The following TFCP2 variants were observed in gnomAD, a reference collection of about 807,000 sequenced individuals.
TFCP2 encodes the protein transcription factor CP2.
A neutral mutation model predicts 73.4 loss-of-function variants in TFCP2; 33 were observed. The observed-to-expected ratio is 0.45, with a 90% CI of 0.34 to 0.60. The LOEUF (loss-of-function observed/expected upper bound fraction) is 0.60, where lower values mean the gene tolerates loss of function less well. Among genes scored for constraint, TFCP2 ranks in the 20% least tolerant of loss-of-function variants. The probability of loss-of-function intolerance (pLI) is 0.01; values close to 1 mark genes in which losing one functional copy is unlikely to be tolerated. For missense variants in TFCP2, 352 were observed against 604.0 expected (o/e 0.58, Z 4.37); for synonymous variants, 193 against 211.6 (o/e 0.91, Z 0.76).
intron 1 of TFCP2, among the ~76,000 whole-genome samples, chr12:51,124,293 A>G (rs1457586893): frequency 6.6e-6 from 1 of 152,082 alleles, no homozygotes; most frequent in Non-Finnish European, 1.5e-5. Context: ...ATGGGGTCTC[A>G]TCATGTTGCT....
At chr12:51,157,794 G>A (rs1424395276) in intron 1 of TFCP2, among the ~76,000 whole-genome samples, 6 of 146,328 alleles carry the variant, frequency 4.1e-5, no homozygotes, top group Non-Finnish European at 6.0e-5. Context: ...GGGTTCATGC[G>A]ATTCTCCTGC....
intron 6 of TFCP2, among the ~76,000 whole-genome samples, chr12:51,108,728 A>C (rs796693317): frequency 5.3e-5 from 8 of 152,268 alleles, no homozygotes; most frequent in African/African-American, 1.7e-4. Context: ...GCGTCACTGC[A>C]CTCCAGCCTG....
At chr12:51,146,381 C>T (rs1592827122) in intron 1 of TFCP2, among the ~76,000 whole-genome samples, 1 of 149,738 alleles carries the variant, frequency 6.7e-6, no homozygotes, top group Admixed American at 6.7e-5. Context: ...CCCTCCCCCA[C>T]CCCATACCCC....
intron 1 of TFCP2, among the ~76,000 whole-genome samples, chr12:51,161,663 G>C (rs1941650623): frequency 7.6e-6 from 1 of 131,868 alleles, no homozygotes; most frequent in South Asian, 2.5e-4. Flanking sequence ...CCAGGCAACA[G>C]AGTGAGACTC....
intron 1 of TFCP2, among the ~76,000 whole-genome samples, chr12:51,157,173 G>A (rs546745671): frequency 4.0e-4 from 60 of 151,820 alleles, no homozygotes; most frequent in South Asian, 1.0e-3. Context: ...GTGCCACTAC[G>A]GCCGGCTAAT....
chr12:51,117,549 T>C, intron 3 of TFCP2, 122 bp downstream of exon 3: 1 of 711,108 alleles, frequency 1.4e-6, no homozygotes, highest in Non-Finnish European at 2.3e-6. Context: ...AACAAATTAC[T>C]GCAGGCAAGA....
intron 1 of TFCP2, among the ~76,000 whole-genome samples, chr12:51,154,230 G>C (rs1024647315): frequency 6.6e-6 from 1 of 152,064 alleles, no homozygotes; most frequent in East Asian, 1.9e-4. Flanking sequence ...TTATCTGATG[G>C]GGGGGATCCA....
At chr12:51,102,198 A>G (rs1467063976) in intron 10 of TFCP2, among the ~76,000 whole-genome samples, 173 bp from the exon 11 acceptor site, 1 of 152,082 alleles carries the variant, frequency 6.6e-6, no homozygotes, top group Non-Finnish European at 1.5e-5. Context: ...TCCCGTCTCA[A>G]TTCCCCCCAA....
chr12:51,161,351 AAG>A (rs1941644048), intron 1 of TFCP2, among the ~76,000 whole-genome samples: 1 of 152,022 alleles, frequency 6.6e-6, no homozygotes, highest in African/African-American at 2.4e-5. Context: ...AAAGCAAACA[AAG>A]AAACAGGACT....
chr12:51,128,489 A>C (rs920605713), intron 1 of TFCP2, among the ~76,000 whole-genome samples: 203 of 150,466 alleles, frequency 1.3e-3, no homozygotes, highest in Non-Finnish European at 8.9e-4. Context: ...AAAAAAAAAA[A>C]AAACAAAAAA....
At chr12:51,160,133 A>T (rs1592839508) in intron 1 of TFCP2, among the ~76,000 whole-genome samples, 1 of 126,374 alleles carries the variant, frequency 7.9e-6, no homozygotes. Flanking sequence ...TCCTCTCTGA[A>T]TTTTTTTTTT....
chr12:51,151,052 G>C (rs999664603), intron 1 of TFCP2, among the ~76,000 whole-genome samples: 1 of 152,286 alleles, frequency 6.6e-6, no homozygotes, highest in Non-Finnish European at 1.5e-5. Context: ...ACATTAGAAG[G>C]CCTCTCTGAT....
chr12:51,103,012 G>A (rs539909811), intron 10 of TFCP2, among the ~76,000 whole-genome samples: 10 of 151,876 alleles, frequency 6.6e-5, no homozygotes, highest in South Asian at 4.2e-4. Context: ...GCCAGATGCC[G>A]CAGCTCATAC....
intron 1 of TFCP2, among the ~76,000 whole-genome samples, chr12:51,165,603 G>T (rs1197652071): frequency 6.6e-6 from 1 of 152,120 alleles, no homozygotes; most frequent in African/African-American, 2.4e-5. Flanking sequence ...GGCTGGAGTG[G>T]GGGGAGATGG....
intron 1 of TFCP2, among the ~76,000 whole-genome samples, chr12:51,168,338 C>T (rs1941794900): frequency 6.6e-6 from 1 of 151,970 alleles, no homozygotes; most frequent in South Asian, 2.1e-4. Flanking sequence ...CTCAGGAATT[C>T]GAGGCAGCAG....
intron 1 of TFCP2, among the ~76,000 whole-genome samples, chr12:51,132,070 A>C (rs1940955484): frequency 6.6e-6 from 1 of 152,216 alleles, no homozygotes; most frequent in African/African-American, 2.4e-5. Flanking sequence ...AAATGCTAAA[A>C]TAGAGGAACA....
At chr12:51,116,913 A>G (rs555382370) in intron 3 of TFCP2, among the ~76,000 whole-genome samples, 1 of 152,282 alleles carries the variant, frequency 6.6e-6, no homozygotes, top group African/African-American at 2.4e-5. Flanking sequence ...CACCGGGTCC[A>G]GCCAATTTCT....
chr12:51,126,089 C>T (rs1038637427), intron 1 of TFCP2, among the ~76,000 whole-genome samples: 3 of 151,702 alleles, frequency 2.0e-5, no homozygotes, highest in African/African-American at 2.4e-5. Flanking sequence ...AAAAATTAGC[C>T]GGGCGTGGTG....
At chr12:51,128,259 C>T (rs754282829) in intron 1 of TFCP2, among the ~76,000 whole-genome samples, 2 of 151,996 alleles carry the variant, frequency 1.3e-5, no homozygotes, top group Non-Finnish European at 2.9e-5. Context: ...ATATATTCCC[C>T]GTACCTTATA....
Sources: allele counts gnomAD v4.1 joint callset (sites outside exome capture counted in the v4.1 genomes callset), GRCh38; gene constraint gnomAD v4.1.1; transcripts MANE v1.5; gene names NCBI Gene and HGNC (gene_info 2026-07-23, HGNC 2026-07-21).